Variants in C6orf163 observed in about 807,000 individuals in gnomAD.
C6orf163 encodes the protein uncharacterized protein C6orf163.
C6orf163 carries 22 observed loss-of-function variants against 28.4 expected under a neutral mutation model. The observed-to-expected ratio is 0.78, with a 90% CI of 0.55 to 1.11. The LOEUF is 1.11. Among genes scored for constraint, C6orf163 ranks in the 50% least tolerant of loss-of-function variants. C6orf163 has a pLI of 0.00. For synonymous variants in C6orf163, 110 were observed against 123.6 expected, an observed-to-expected ratio of 0.89 and a Z score of 0.73; for missense variants, 342 against 389.1, an observed-to-expected ratio of 0.88 and a Z score of 1.02.
chr6:87,354,281 C>G (rs1287164935), intron 3 of C6orf163, among the ~76,000 whole-genome samples: 2 of 152,140 alleles, frequency 1.3e-5, no homozygotes, highest in Non-Finnish European at 2.9e-5. Context: ...TTTTCTTGTT[C>G]TTTGAAGAAA....
chr6:87,355,321 G>A (rs1483292615), intron 3 of C6orf163, among the ~76,000 whole-genome samples: 1 of 152,164 alleles, frequency 6.6e-6, no homozygotes, highest in African/African-American at 2.4e-5. Context: ...AGCACTTTGG[G>A]AGGTCAAGAT....
At chr6:87,347,369 A>C (rs905632762) in intron 1 of C6orf163, 2 of 983,776 alleles carry the variant, frequency 2.0e-6, no homozygotes, top group Non-Finnish European at 2.4e-6. Context: ...GGTTGAGAAC[A>C]ACTAATAAAA....
intron 2 of C6orf163, among the ~76,000 whole-genome samples, chr6:87,349,992 T>C (rs924737502): frequency 6.6e-6 from 1 of 152,248 alleles, no homozygotes. Context: ...TCTGCCTCTT[T>C]ACTCAGCTCC....
chr6:87,351,380 C>T (rs1777410301), intron 3 of C6orf163, among the ~76,000 whole-genome samples: 1 of 152,176 alleles, frequency 6.6e-6, no homozygotes, highest in Non-Finnish European at 1.5e-5. Context: ...TTCGTTGTTG[C>T]AACAATGAGC....
chr6:87,349,568 C>T (rs984938977), intron 2 of C6orf163, among the ~76,000 whole-genome samples: 3 of 152,158 alleles, frequency 2.0e-5, no homozygotes, highest in Non-Finnish European at 2.9e-5. Flanking sequence ...AATAACTTCC[C>T]GTAAAAGAAT....
chr6:87,357,205 CG>C (rs1777516268), intron 4 of C6orf163: 1 of 152,080 alleles, frequency 6.6e-6, no homozygotes, highest in Non-Finnish European at 1.5e-5. Flanking sequence ...AAGAAAACCA[CG>C]GTAACTATTT....
chr6:87,351,783 A>AC (rs1777416696), intron 3 of C6orf163, among the ~76,000 whole-genome samples: 1 of 152,028 alleles, frequency 6.6e-6, no homozygotes, highest in Non-Finnish European at 1.5e-5. Flanking sequence ...AGACTCCTGG[A>AC]CCTCTCCCAA....
chr6:87,364,072 T>G (rs1468443383), intron 4 of C6orf163, among the ~76,000 whole-genome samples: 1 of 152,040 alleles, frequency 6.6e-6, no homozygotes, highest in Non-Finnish European at 1.5e-5. Context: ...TCACTTGAGG[T>G]CAGGAGTTTG....
rs993570392 is a variant in C6orf163, at chr6:87,365,105, G to C, written c.699G>C (p.Gln233His). Residue 233 changes from glutamine (Q) to histidine (H), a missense_variant, in exon 5 of 5, where the codon CAG becomes CAC. Coordinates refer to ENST00000388923, the MANE Select transcript of C6orf163 (RefSeq NM_001010868.3). ...IAQRQRQEEV[Q>H]EVLQEAEKTH... ...AGAGGCAGAGGCAAGAAGAGGTACA[G>C]GAAGTGCTTCAAGAAGCAGAGAAAA... is the stretch of plus-strand genomic sequence containing the variant. 14 of 1,551,904 alleles carry C rather than the reference G, an allele frequency of 9.0e-6. No individual in the cohort carries two copies. Among genetic ancestry groups the C allele is most frequent in the Non-Finnish European group, 1.2e-5 (14 of 1,147,078 alleles).
chr6:87,354,093 C>A (rs910564), intron 3 of C6orf163, among the ~76,000 whole-genome samples: 89,405 of 152,030 alleles, frequency 0.59, 26,636 homozygotes, highest in African/African-American at 0.63. Flanking sequence ...TCCTGGCCTC[C>A]AATCGTCTGC....
At chr6:87,361,424 A>G (rs982269669) in intron 4 of C6orf163, among the ~76,000 whole-genome samples, 5 of 152,158 alleles carry the variant, frequency 3.3e-5, no homozygotes, top group Admixed American at 3.3e-4. Flanking sequence ...CAAGATATAC[A>G]TTATTGGATC....
intron 4 of C6orf163, among the ~76,000 whole-genome samples, chr6:87,364,758 G>A (rs1777622372): frequency 6.6e-6 from 1 of 152,156 alleles, no homozygotes; most frequent in African/African-American, 2.4e-5. Flanking sequence ...CCCACAGCAG[G>A]GAAGTACATA....
chr6:87,353,088 A>G (rs775668551), intron 3 of C6orf163, among the ~76,000 whole-genome samples: 5 of 152,188 alleles, frequency 3.3e-5, no homozygotes, highest in African/African-American at 7.2e-5. Context: ...TATGTATTCC[A>G]CATGCTATGT....
chr6:87,347,155 C>T (rs1777337252), intron 1 of C6orf163, among the ~76,000 whole-genome samples: 1 of 152,196 alleles, frequency 6.6e-6, no homozygotes, highest in African/African-American at 2.4e-5. Flanking sequence ...CCCCTGACAA[C>T]CACTAATCTG....
intron 4 of C6orf163, among the ~76,000 whole-genome samples, chr6:87,363,203 A>C (rs1461433466): frequency 1.3e-5 from 2 of 152,046 alleles, no homozygotes; most frequent in Non-Finnish European, 2.9e-5. Context: ...TTTATATAAT[A>C]CCCTACATTA....
At chr6:87,358,744 A>T (rs934664929) in intron 4 of C6orf163, 3 of 152,208 alleles carry the variant, frequency 2.0e-5, no homozygotes, top group African/African-American at 7.2e-5. Flanking sequence ...AATTCCCAGC[A>T]CATGCAAGGC....
intron 3 of C6orf163, among the ~76,000 whole-genome samples, chr6:87,351,799 C>T (rs1272035129): frequency 6.6e-6 from 1 of 152,180 alleles, no homozygotes; most frequent in Non-Finnish European, 1.5e-5. Context: ...CCCAATCCAG[C>T]AATTTAAAAG....
intron 4 of C6orf163, among the ~76,000 whole-genome samples, chr6:87,360,865 C>T (rs956669829): frequency 6.6e-6 from 1 of 152,132 alleles, no homozygotes; most frequent in Non-Finnish European, 1.5e-5. Context: ...CCACACTAGG[C>T]AGGGGAGATA....
chr6:87,354,453 A>G (rs1230597655), intron 3 of C6orf163, among the ~76,000 whole-genome samples: 3 of 152,248 alleles, frequency 2.0e-5, no homozygotes, highest in Non-Finnish European at 2.9e-5. Context: ...ATCTTTGTCT[A>G]CCAAGCCTGG....
Sources: gnomAD v4.1 joint callset for allele counts (sites outside exome capture counted in the v4.1 genomes callset) on GRCh38, gnomAD v4.1.1 for gene constraint, MANE v1.5 for transcripts, NCBI Gene and HGNC (gene_info 2026-07-23, HGNC 2026-07-21) for gene names.